Variants in PLAT observed in about 807,000 individuals in gnomAD.
PLAT encodes tissue-type plasminogen activator.
A neutral mutation model predicts 74.9 loss-of-function variants in PLAT; 48 were observed. The ratio of observed to expected loss-of-function variants is 0.64; its 90% CI spans 0.51 to 0.82. The LOEUF is 0.82. PLAT is among the 40% of genes least tolerant of loss of function. The pLI is 0.00. For synonymous variants in PLAT, 307 were observed against 294.4 expected, an observed-to-expected ratio of 1.04 and a Z score of -0.44; for missense variants, 673 against 736.2, an observed-to-expected ratio of 0.91 and a Z score of 0.99.
intron 1 of PLAT, among the ~76,000 whole-genome samples, chr8:42,194,317 T>C (rs1049056685): frequency 6.6e-6 from 1 of 150,992 alleles, no homozygotes; most frequent in African/African-American, 2.4e-5. Context: ...TCCAGGCTAG[T>C]CTCGAACTCC....
At chr8:42,178,858 C>T (rs757373453) in intron 13 of PLAT, 39 bp downstream of exon 13, 20 of 1,602,080 alleles carry the variant, frequency 1.2e-5, no homozygotes, top group Non-Finnish European at 1.4e-5. Context: ...GCATTCTCCC[C>T]TGGGTTGTGC....
chr8:42,177,757 T>C (rs1805027139), intron 13 of PLAT, among the ~76,000 whole-genome samples: 1 of 152,204 alleles, frequency 6.6e-6, no homozygotes. Context: ...GTTTCTGGAC[T>C]GTAAGCTGGT....
At chr8:42,191,980 A>G (rs1372716716) in intron 2 of PLAT, among the ~76,000 whole-genome samples, 2 of 148,534 alleles carry the variant, frequency 1.3e-5, no homozygotes, top group African/African-American at 2.5e-5. Flanking sequence ...GCTGTGGCTC[A>G]TGGCACTTGC....
intron 1 of PLAT, among the ~76,000 whole-genome samples, chr8:42,203,990 TATACACACACACACACACAC>T: frequency 8.3e-6 from 1 of 121,118 alleles, no homozygotes; most frequent in Admixed American, 7.6e-5. Flanking sequence ...TATATATATA[TATACACACACACACACACAC>T]ACACACACAC....
rs760475942 is a variant in PLAT, at chr8:42,179,023, G to C, written c.1404C>G (p.Val468=). ...TGCAGCGGCTGGATGGGTACAGTCTGACATGAGCCTCCTTCAGCCGCTCCG... is the reference window on the plus strand; with the variant it reads ...TGCAGCGGCTGGATGGGTACAGTCTCACATGAGCCTCCTTCAGCCGCTCCG... The part of the protein sequence containing the change: ...FYSERLKEAH[V]RLYPSSRCTS... Residue 468 remains valine, a synonymous_variant, in exon 13 of 14, where the codon GTC becomes GTG. Coordinates refer to ENST00000220809, the MANE Select transcript of PLAT (RefSeq NM_000930.5). 6.2e-7 allele frequency: 1 copy of C among 1,613,320 alleles called. No individual in the cohort carries two copies. The highest frequency in any genetic ancestry group is 1.1e-5 in the South Asian group (1 of 91,066).
rs191787629 is a variant in PLAT, at chr8:42,179,693, A to G, written c.1363+233T>C. On this transcript the variant is annotated intron_variant, in intron 12 of 13. Transcript: ENST00000220809. ...TCCACTTCCTACTCAGAACCTTCCCAACACCTGCAGCACTTCGAGGCCCTC... is the reference window on the plus strand; with the variant it reads ...TCCACTTCCTACTCAGAACCTTCCCGACACCTGCAGCACTTCGAGGCCCTC... Among the ~76,000 whole-genome samples the G allele has an allele frequency of 3.3e-5, 5 of 152,226 alleles. No individual in the cohort carries two copies. In the East Asian group the frequency reaches 9.7e-4, roughly 29 times the overall value.
chr8:42,187,275 A>G (rs1805516532), intron 6 of PLAT, 123 bp downstream of exon 6: 2 of 702,172 alleles, frequency 2.8e-6, no homozygotes, highest in Non-Finnish European at 4.5e-6. Flanking sequence ...TCTATCATCT[A>G]TCCATCTATC....
intron 13 of PLAT, among the ~76,000 whole-genome samples, chr8:42,178,267 T>TTC (rs1554712846): frequency 2.1e-5 from 3 of 141,618 alleles, no homozygotes; most frequent in African/African-American, 7.8e-5. Flanking sequence ...TTTCTTTCTT[T>TTC]TTTTTTTTTT....
Position 42,187,541 on chromosome 8 carries a change from G to T in PLAT, c.396C>A (p.Gly132=), listed in dbSNP as rs372975028. Residue 132 remains glycine, a synonymous_variant, in exon 6 of 14, where the codon GGC becomes GGA. Transcript: ENST00000220809. ...TGCTCCACGTGCCCCTGTAGCTGAT[G>T]CCCTGGTCCTCGTAGCACGTGGCCC... ...DTRATCYEDQ[G]ISYRGTWSTA... 5 of 1,607,794 alleles carry T rather than the reference G, an allele frequency of 3.1e-6. No homozygotes were observed. Among genetic ancestry groups the T allele is most frequent in the Non-Finnish European group, 4.2e-6 (5 of 1,176,674 alleles).
At chr8:42,191,307 T>C (rs941441848) in intron 3 of PLAT, 65 bp downstream of exon 3, 1 of 1,335,338 alleles carries the variant, frequency 7.5e-7, no homozygotes, top group African/African-American at 1.4e-5. Flanking sequence ...GGGTGGGTGA[T>C]GCACCCTGCA....
At chr8:42,182,074 T>C in intron 8 of PLAT, 52 bp from the exon 9 acceptor site, 2 of 1,203,928 alleles carry the variant, frequency 1.7e-6, no homozygotes, top group South Asian at 2.5e-5. Context: ...ATTTTTTAAT[T>C]TTTGTAGAGA....
intron 9 of PLAT, among the ~76,000 whole-genome samples, chr8:42,181,492 G>A (rs1805237629): frequency 6.6e-6 from 1 of 152,296 alleles, no homozygotes; most frequent in Admixed American, 6.5e-5. Flanking sequence ...GCGAGCTTGG[G>A]CAGGCCACCT....
intron 3 of PLAT, among the ~76,000 whole-genome samples, chr8:42,191,142 G>A (rs182215687): frequency 1.3e-5 from 2 of 152,204 alleles, no homozygotes; most frequent in Non-Finnish European, 2.9e-5. Context: ...GGCTCCTTGG[G>A]GGGGAACACC....
chr8:42,198,024 T>C (rs1805973615), intron 1 of PLAT, among the ~76,000 whole-genome samples: 2 of 152,164 alleles, frequency 1.3e-5, no homozygotes, highest in Non-Finnish European at 2.9e-5. Flanking sequence ...ACTATAGTTC[T>C]ATTGTTTAAA....
chr8:42,206,311 T>C (rs1806327973), intron 1 of PLAT, among the ~76,000 whole-genome samples: 1 of 152,166 alleles, frequency 6.6e-6, no homozygotes, highest in Admixed American at 6.5e-5. Flanking sequence ...CATATCTCAA[T>C]ACTCACAGTG....
intron 9 of PLAT, 36 bp downstream of exon 9, chr8:42,181,901 C>T (rs756784359): frequency 8.1e-7 from 1 of 1,232,638 alleles, no homozygotes; most frequent in Non-Finnish European, 1.2e-6. Context: ...AGAAGGGAGA[C>T]CAGGTGCAGG....
chr8:42,183,630 T>C (rs947454014), intron 7 of PLAT, among the ~76,000 whole-genome samples: 2 of 151,830 alleles, frequency 1.3e-5, no homozygotes, highest in African/African-American at 4.8e-5. Flanking sequence ...AGCCGTGGAG[T>C]GCTGCCTGTT....
Position 42,175,864 on chromosome 8 carries a change from G to T in PLAT, c.*129C>A. 1 of 825,492 alleles carries T rather than the reference G, an allele frequency of 1.2e-6. No individual in the cohort carries two copies. Among genetic ancestry groups the T allele is most frequent in the Non-Finnish European group, 1.9e-6 (1 of 518,192 alleles). The allele number at this position is 825,492 out of a possible 1,614,324, so 51.1% of individuals were successfully genotyped here. A position where few individuals can be genotyped will look rare whatever the true frequency, so the allele number is the denominator to read the frequency against. The stretch of plus-strand genomic sequence containing the variant: ...AAAATGCACTCTTCCCTCTCCTGTA[G>T]GGTCTCGTCCCGCTTCTGCGGTGTG... On this transcript the variant is annotated 3_prime_UTR_variant, in exon 14 of 14. Transcript: ENST00000220809.
At chr8:42,187,377 T>G (rs1435170274) in intron 6 of PLAT, 21 bp downstream of exon 6, 1 of 1,547,230 alleles carries the variant, frequency 6.5e-7, no homozygotes, top group Admixed American at 1.8e-5. Flanking sequence ...GGGGAATCCC[T>G]CCTTGGGGAT....
Sources: allele counts gnomAD v4.1 joint callset (sites outside exome capture counted in the v4.1 genomes callset), GRCh38; gene constraint gnomAD v4.1.1; transcripts MANE v1.5; gene names NCBI Gene and HGNC (gene_info 2026-07-23, HGNC 2026-07-21).